Variants in CCNY observed in about 807,000 individuals in gnomAD.
CCNY encodes cyclin Y, also known as cyclin-Y.
A neutral mutation model predicts 42.8 loss-of-function variants in CCNY; 19 were observed. The observed-to-expected ratio is 0.44, with a 90% CI of 0.31 to 0.65. CCNY has a LOEUF of 0.65. CCNY is among the 30% of genes least tolerant of loss of function. The probability of loss-of-function intolerance (pLI) is 0.07; values close to 1 mark genes in which losing one functional copy is unlikely to be tolerated. For synonymous variants in CCNY, 165 were observed against 162.7 expected (o/e 1.01, Z -0.11); for missense variants, 370 against 437.3 (o/e 0.85, Z 1.37).
rs1002187030 is a variant in CCNY, at chr10:35,571,854, C to T, written c.*2684C>T. ...TTTTTGTCATTAAGGATGAAGGAAA[C>T]GACACAATTTGTTACTTTAATTTTA... On this transcript the variant is annotated 3_prime_UTR_variant, in exon 10 of 10. Coordinates refer to ENST00000374704, the MANE Select transcript of CCNY (RefSeq NM_145012.6). 7.9e-5 allele frequency: 12 copies of T among 152,132 alleles called. No homozygotes were observed. The highest frequency in any genetic ancestry group is 2.1e-4 in the South Asian group (1 of 4,826). The allele number at this position is 152,132 out of a possible 1,614,324, so 9.4% of individuals were successfully genotyped here. A position where few individuals can be genotyped will look rare whatever the true frequency, so the allele number is the denominator to read the frequency against.
Position 35,262,996 on chromosome 10 carries a change from T to A in CCNY, c.-9+12370T>A, listed in dbSNP as rs565265339. On this transcript the variant is annotated intron_variant, in intron 3 of 11. Transcript: ENST00000374706. The stretch of plus-strand genomic sequence containing the variant: ...ACTTTGTGAGGCCAAGGCAGGAGGA[T>A]CACTTGAGCCCAGGAGTTCAAGACC... 1.2e-4 allele frequency among the ~76,000 whole-genome samples: 18 copies of A among 151,712 alleles called. No homozygotes were observed. In the South Asian group the frequency reaches 3.7e-3, roughly 32 times the overall value.
chr10:35,533,212 G>A (rs1840807533), intron 7 of CCNY, among the ~76,000 whole-genome samples: 1 of 152,150 alleles, frequency 6.6e-6, no homozygotes, highest in Non-Finnish European at 1.5e-5. Flanking sequence ...GGGAGATTTT[G>A]ACTGGCCCCA....
intron 1 of CCNY, among the ~76,000 whole-genome samples, chr10:35,369,414 T>C (rs1339786777): frequency 6.6e-6 from 1 of 152,252 alleles, no homozygotes; most frequent in Admixed American, 6.5e-5. Context: ...AGTTGTGGCC[T>C]TAGGAAAGAC....
At chr10:35,262,174 A>G (rs1409440926) in intron 3 of CCNY, among the ~76,000 whole-genome samples, 2 of 146,150 alleles carry the variant, frequency 1.4e-5, no homozygotes, top group Non-Finnish European at 1.5e-5. Flanking sequence ...AAACAGAAGA[A>G]TCTCTTGAAC....
At chr10:35,520,744 A>C (rs1022210133) in intron 4 of CCNY, among the ~76,000 whole-genome samples, 13 of 152,202 alleles carry the variant, frequency 8.5e-5, no homozygotes, top group African/African-American at 3.1e-4. Context: ...CTCTTTCTGT[A>C]GACATAATTT....
Position 35,418,214 on chromosome 10 carries a change from A to G in CCNY, c.155-65190A>G, listed in dbSNP as rs138515300. On this transcript the variant is annotated intron_variant, in intron 1 of 9. Transcript: ENST00000374704. ...ACAGCAGGGAGCAGGGAAGTAGGAAACTTTCTTCAGTGACCTGGATGGAGA... is the reference window on the plus strand; with the variant it reads ...ACAGCAGGGAGCAGGGAAGTAGGAAGCTTTCTTCAGTGACCTGGATGGAGA... Among the ~76,000 whole-genome samples the G allele has an allele frequency of 3.3e-3, 504 of 152,262 alleles. 4 individuals are homozygous for G. Among genetic ancestry groups the G allele is most frequent in the African/African-American group, 0.011 (476 of 41,562 alleles).
chr10:35,396,740 C>T (rs1042485278), intron 1 of CCNY, among the ~76,000 whole-genome samples: 14 of 152,190 alleles, frequency 9.2e-5, no homozygotes, highest in African/African-American at 2.2e-4. Context: ...TGGGAGCAGT[C>T]GCTGGAGGTG....
intron 1 of CCNY, among the ~76,000 whole-genome samples, chr10:35,449,428 G>A (rs1253711338): frequency 6.6e-6 from 1 of 152,148 alleles, no homozygotes; most frequent in Non-Finnish European, 1.5e-5. Context: ...GGAGAGTTGG[G>A]GGTGGGAGCA....
intron 1 of CCNY, among the ~76,000 whole-genome samples, chr10:35,460,282 G>A (rs1839128954): frequency 1.3e-5 from 2 of 152,182 alleles, no homozygotes; most frequent in Non-Finnish European, 2.9e-5. Context: ...CTCACTGTAG[G>A]CATTGCATAA....
chr10:35,287,911 C>T (rs1392904454), intron 3 of CCNY, among the ~76,000 whole-genome samples: 3 of 152,024 alleles, frequency 2.0e-5, no homozygotes, highest in Non-Finnish European at 4.4e-5. Context: ...CCACCTCGGC[C>T]TCCCAAAGTG....
intron 1 of CCNY, among the ~76,000 whole-genome samples, chr10:35,482,641 C>T (rs2078615159): frequency 6.6e-6 from 1 of 152,064 alleles, no homozygotes; most frequent in African/African-American, 2.4e-5. Context: ...ATAAGGGACA[C>T]AGCCACTGTG....
intron 1 of CCNY, among the ~76,000 whole-genome samples, chr10:35,465,938 A>AGAGAGAGAGTGTGTGTGT: frequency 9.9e-5 from 8 of 80,958 alleles, no homozygotes; most frequent in Non-Finnish European, 1.6e-4. Context: ...AGAGAGAGAG[A>AGAGAGAGAGTGTGTGTGT]GTGTGTGTGT....
chr10:35,440,394 C>A (rs1838639936), intron 1 of CCNY, among the ~76,000 whole-genome samples: 1 of 152,214 alleles, frequency 6.6e-6, no homozygotes, highest in African/African-American at 2.4e-5. Flanking sequence ...CAAGTGGTCT[C>A]TGAACTGCTC....
At chr10:35,366,324 T>C (rs1836807314) in intron 1 of CCNY, among the ~76,000 whole-genome samples, 1 of 152,240 alleles carries the variant, frequency 6.6e-6, no homozygotes, top group South Asian at 2.1e-4. Context: ...ATAAATTGAG[T>C]GATCAGACTT....
chr10:35,465,023 C>T (rs1278613104), intron 1 of CCNY, among the ~76,000 whole-genome samples: 2 of 152,172 alleles, frequency 1.3e-5, no homozygotes, highest in Non-Finnish European at 2.9e-5. Flanking sequence ...TCATGCCTCT[C>T]AGGAGAGGCT....
At chr10:35,542,272 A>G (rs1274616041) in intron 7 of CCNY, among the ~76,000 whole-genome samples, 1 of 151,366 alleles carries the variant, frequency 6.6e-6, no homozygotes, top group Non-Finnish European at 1.5e-5. Flanking sequence ...TTTTGTCATG[A>G]TTAGACTGGG....
chr10:35,404,359 G>C (rs1272493489), intron 1 of CCNY, among the ~76,000 whole-genome samples: 1 of 152,168 alleles, frequency 6.6e-6, no homozygotes, highest in African/African-American at 2.4e-5. Context: ...AAAGGGTTGG[G>C]ATGAGTTAGG....
At chr10:35,566,758 G>A (rs1821236813) in intron 9 of CCNY, among the ~76,000 whole-genome samples, 1 of 152,166 alleles carries the variant, frequency 6.6e-6, no homozygotes, top group South Asian at 2.1e-4. Context: ...CCAGGCTGGA[G>A]TGCAGTGGCA....
intron 3 of CCNY, among the ~76,000 whole-genome samples, chr10:35,305,531 G>A (rs1835596253): frequency 6.6e-6 from 1 of 152,146 alleles, no homozygotes; most frequent in Non-Finnish European, 1.5e-5. Context: ...CAGCATCTGG[G>A]GGCATATAAT....
Sources: allele counts gnomAD v4.1 joint callset (sites outside exome capture counted in the v4.1 genomes callset), GRCh38; gene constraint gnomAD v4.1.1; transcripts MANE v1.5; gene names NCBI Gene and HGNC (gene_info 2026-07-23, HGNC 2026-07-21).